The following LDAH variants were observed in gnomAD, a reference collection of about 807,000 sequenced individuals.
LDAH encodes lipid droplet associated hydrolase, also known as lipid droplet-associated hydrolase.
Under a neutral mutation model 29.6 loss-of-function variants are expected in LDAH, and 26 were observed. That is an observed-to-expected ratio of 0.88 (90% CI 0.64 to 1.22). LDAH has a LOEUF of 1.22. Among genes scored for constraint, LDAH ranks in the 50% most tolerant of loss-of-function variants. The pLI is 0.00. For missense variants in LDAH, 344 were observed against 387.3 expected, an observed-to-expected ratio of 0.89 and a Z score of 0.94; for synonymous variants, 117 against 133.0, an observed-to-expected ratio of 0.88 and a Z score of 0.83.
At chr2:20,720,888 G>T (rs1665599586) in intron 5 of LDAH, among the ~76,000 whole-genome samples, 1 of 152,080 alleles carries the variant, frequency 6.6e-6, no homozygotes, top group African/African-American at 2.4e-5. Context: ...TTGGGGAAAG[G>T]ATAGTCTCTC....
At chr2:20,728,463 T>C (rs1666167919) in intron 5 of LDAH, among the ~76,000 whole-genome samples, 1 of 152,196 alleles carries the variant, frequency 6.6e-6, no homozygotes, top group Non-Finnish European at 1.5e-5. Flanking sequence ...ACATTAGTTA[T>C]GTCCACTATT....
At chr2:20,714,075 T>A (rs902485248) in intron 5 of LDAH, among the ~76,000 whole-genome samples, 1 of 152,146 alleles carries the variant, frequency 6.6e-6, no homozygotes, top group Non-Finnish European at 1.5e-5. Flanking sequence ...CAACAGAATA[T>A]ACCTTCTTCT....
intron 6 of LDAH, among the ~76,000 whole-genome samples, chr2:20,689,104 C>T (rs1263228476): frequency 1.3e-5 from 2 of 151,944 alleles, no homozygotes; most frequent in Non-Finnish European, 2.9e-5. Flanking sequence ...TTTTCTGTTC[C>T]TGTGTCAGTT....
At chr2:20,710,755 A>G (rs1405118671) in intron 5 of LDAH, among the ~76,000 whole-genome samples, 1 of 149,024 alleles carries the variant, frequency 6.7e-6, no homozygotes, top group Non-Finnish European at 1.5e-5. Context: ...ATATACATAT[A>G]TATACACATA....
In LDAH at chr2:20,774,661, T is replaced by C. The variant is rs1395533951; in HGVS notation, c.468+149A>G. On this transcript the variant is annotated intron_variant, in intron 4 of 6. Transcript: ENST00000237822. ...ACATTCACATAAGCCCATCGTAATA[T>C]GGAGATAAGGATAAAGGCAGAAAGC... 6.8e-6 allele frequency: 5 copies of C among 738,654 alleles called. No individual in the cohort carries two copies. The Admixed American group carries it at 7.8e-5, about 12-fold the overall frequency. 45.8% of individuals were successfully genotyped at this position (738,654 alleles called of 1,614,324 possible). A position where few individuals can be genotyped will look rare whatever the true frequency, so the allele number is the denominator to read the frequency against.
intron 5 of LDAH, among the ~76,000 whole-genome samples, chr2:20,736,915 T>C (rs971815232): frequency 4.6e-5 from 7 of 152,358 alleles, no homozygotes; most frequent in South Asian, 2.1e-4. Context: ...CATGTACATA[T>C]GAAATATAAA....
intron 3 of LDAH, among the ~76,000 whole-genome samples, chr2:20,778,789 T>C (rs1243455984): frequency 6.6e-6 from 1 of 152,156 alleles, no homozygotes. Context: ...CTGTACCTTT[T>C]CCCACTCTAC....
intron 4 of LDAH, among the ~76,000 whole-genome samples, chr2:20,760,396 A>C (rs987828755): frequency 6.6e-6 from 1 of 152,212 alleles, no homozygotes; most frequent in East Asian, 1.9e-4. Flanking sequence ...AAAACTTTGC[A>C]GCTTAGAACA....
intron 4 of LDAH, among the ~76,000 whole-genome samples, chr2:20,746,342 T>C (rs111251946): frequency 0.03 from 4,545 of 152,260 alleles, 226 homozygotes; most frequent in African/African-American, 0.1. Context: ...TCTAAAAATA[T>C]ATAAGCAACC....
At chr2:20,790,454 G>A in intron 2 of LDAH, 56 bp from the exon 3 acceptor site, 1 of 1,470,396 alleles carries the variant, frequency 6.8e-7, no homozygotes, top group South Asian at 1.2e-5. Flanking sequence ...GGCATAAGAT[G>A]ACACGCAGGC....
chr2:20,712,199 A>AT (rs745367482), intron 5 of LDAH, among the ~76,000 whole-genome samples: 38 of 152,308 alleles, frequency 2.5e-4, no homozygotes, highest in Middle Eastern at 3.4e-3. Flanking sequence ...TCAGGCAGCA[A>AT]TATTTGCTGT....
intron 1 of LDAH, among the ~76,000 whole-genome samples, chr2:20,809,254 CT>C (rs1672306503): frequency 1.5e-5 from 2 of 130,024 alleles, no homozygotes; most frequent in Admixed American, 7.1e-5. Flanking sequence ...AAAAAATTAG[CT>C]GCGCTTGGTG....
At chr2:20,797,132 T>C (rs1046449156) in intron 2 of LDAH, among the ~76,000 whole-genome samples, 1 of 152,232 alleles carries the variant, frequency 6.6e-6, no homozygotes, top group Non-Finnish European at 1.5e-5. Context: ...TTTATGTTAA[T>C]AGATGCTGAA....
intron 1 of LDAH, among the ~76,000 whole-genome samples, chr2:20,811,049 G>A (rs1364337327): frequency 2.0e-5 from 3 of 146,806 alleles, no homozygotes; most frequent in South Asian, 4.4e-4. Context: ...ACGGAGTCCC[G>A]CTCTCTCGCC....
At chr2:20,797,174 T>C (rs1053805130) in intron 2 of LDAH, among the ~76,000 whole-genome samples, 1 of 152,212 alleles carries the variant, frequency 6.6e-6, no homozygotes, top group Non-Finnish European at 1.5e-5. Flanking sequence ...TGTTACATCC[T>C]GGCAGAAGAA....
chr2:20,700,628 A>G (rs1663858885), intron 6 of LDAH, among the ~76,000 whole-genome samples: 1 of 152,154 alleles, frequency 6.6e-6, no homozygotes, highest in South Asian at 2.1e-4. Flanking sequence ...ACCAATTGTA[A>G]AGTTTAAGAC....
chr2:20,703,743 G>A (rs146042825), intron 5 of LDAH, among the ~76,000 whole-genome samples: 29 of 151,970 alleles, frequency 1.9e-4, no homozygotes, highest in African/African-American at 6.0e-4. Flanking sequence ...GACCACTGTC[G>A]ACTTAGAATT....
At chr2:20,741,786 G>A (rs1207036440) in intron 4 of LDAH, among the ~76,000 whole-genome samples, 1 of 151,754 alleles carries the variant, frequency 6.6e-6, no homozygotes, top group East Asian at 1.9e-4. Flanking sequence ...CATCTACATT[G>A]TTGCAAATGA....
At chr2:20,712,293 A>G (rs1664822654) in intron 5 of LDAH, among the ~76,000 whole-genome samples, 2 of 152,194 alleles carry the variant, frequency 1.3e-5, no homozygotes, top group Non-Finnish European at 2.9e-5. Context: ...CGGCTGAGAG[A>G]CCTGACTGTT....
Sources: gnomAD v4.1 joint callset for allele counts (sites outside exome capture counted in the v4.1 genomes callset) on GRCh38, gnomAD v4.1.1 for gene constraint, MANE v1.5 for transcripts, NCBI Gene and HGNC (gene_info 2026-07-23, HGNC 2026-07-21) for gene names.